Variants in TRMU observed in about 807,000 individuals in gnomAD.
The protein encoded by TRMU is tRNA mitochondrial 2-thiouridylase.
Under a neutral mutation model 46.9 loss-of-function variants are expected in TRMU, and 49 were observed. The ratio of observed to expected loss-of-function variants is 1.05; its 90% CI spans 0.83 to 1.33. The LOEUF (loss-of-function observed/expected upper bound fraction) is 1.33, where lower values mean the gene tolerates loss of function less well. Ranked by LOEUF, TRMU falls within the 40% of genes most tolerant of loss-of-function variation. The pLI, the probability that TRMU is intolerant of heterozygous loss-of-function variation, is 0.00. For missense variants in TRMU, 572 were observed against 532.4 expected, an observed-to-expected ratio of 1.07 and a Z score of -0.73; for synonymous variants, 241 against 200.9, an observed-to-expected ratio of 1.20 and a Z score of -1.69.
Position 46,352,276 on chromosome 22 carries a change from C to T in TRMU, c.718C>T (p.Arg240Ter), listed in dbSNP as rs367683258. 18 of 1,614,018 alleles carry T rather than the reference C, an allele frequency of 1.1e-5. No homozygotes were observed. Among genetic ancestry groups the T allele is most frequent in the South Asian group, 5.5e-5 (5 of 91,084 alleles). Residue 240 changes from arginine to a stop codon, truncating the protein, a stop_gained, in exon 7 of 11, where the codon CGA becomes TGA. Transcript: ENST00000645190. LOFTEE classifies it high-confidence loss of function. The part of the protein sequence containing the change: ...EHFLLQYLQP[R>*]PGHFISIEDN... Reference sequence around the variant, plus strand: ...GTTTGTTTTCCAGTATCTGCAGCCTCGACCTGGTCACTTTATTTCCATAGA... The same window carrying T: ...GTTTGTTTTCCAGTATCTGCAGCCTTGACCTGGTCACTTTATTTCCATAGA...
chr22:46,345,238 T>G (rs1569069823), intron 3 of TRMU, among the ~76,000 whole-genome samples: 1 of 152,140 alleles, frequency 6.6e-6, no homozygotes, highest in Non-Finnish European at 1.5e-5. Flanking sequence ...GTCTAGCTAA[T>G]TTTTGTACTT....
intron 9 of TRMU, 70 bp downstream of exon 9, chr22:46,355,658 GGGAT>G (rs1237563939): frequency 6.2e-7 from 1 of 1,610,206 alleles, no homozygotes; most frequent in Non-Finnish European, 8.5e-7. Context: ...ATTTGGGCCA[GGGAT>G]GGGAGACCCT....
chr22:46,345,036 C>T (rs2078215376), intron 3 of TRMU, among the ~76,000 whole-genome samples: 1 of 152,124 alleles, frequency 6.6e-6, no homozygotes, highest in Admixed American at 6.5e-5. Flanking sequence ...TTTTGCTGCA[C>T]CTTTCATAAA....
chr22:46,338,088 C>A lies in TRMU; in HGVS notation c.248+144C>A. ...TGGTGCTGAAGACTGCAAGAGGCCT[C>A]AGCCACCCTCGGGGCTCTGTGTTAG... On this transcript the variant is annotated intron_variant, in intron 2 of 10. Transcript: ENST00000645190. The surrounding 1 kb of genome is among the most constrained non-coding windows in gnomAD (Gnocchi z 4.5). 3 of 1,146,636 alleles carry A rather than the reference C, an allele frequency of 2.6e-6. No homozygotes were observed. Among genetic ancestry groups the A allele is most frequent in the Non-Finnish European group, 3.9e-6 (3 of 774,116 alleles). 71.0% of individuals were successfully genotyped at this position (1,146,636 alleles called of 1,614,324 possible). A position where few individuals can be genotyped will look rare whatever the true frequency, so the allele number is the denominator to read the frequency against.
chr22:46,337,300 G>C (rs535833664), intron 1 of TRMU, among the ~76,000 whole-genome samples: 58 of 152,242 alleles, frequency 3.8e-4, no homozygotes, highest in African/African-American at 1.2e-3. Context: ...TGTTACAATC[G>C]AAAAGGTAGA....
In TRMU at chr22:46,346,642, C is replaced by T. The variant is rs993826938; in HGVS notation, c.478+98C>T. 1.8e-5 allele frequency: 26 copies of T among 1,408,866 alleles called. No homozygotes were observed. In the African/African-American group the frequency reaches 3.4e-4, roughly 19 times the overall value. The allele number at this position is 1,408,866 out of a possible 1,614,324, so 87.3% of individuals were successfully genotyped here. A position where few individuals can be genotyped will look rare whatever the true frequency, so the allele number is the denominator to read the frequency against. The stretch of plus-strand genomic sequence containing the variant: ...TTGTGCCTGAGGATCACTGCCACCC[C>T]TCCCTCTGTGCTCCAGAGTAGCTTG... On this transcript the variant is annotated intron_variant, in intron 4 of 10. Coordinates refer to ENST00000645190, the MANE Select transcript of TRMU (RefSeq NM_018006.5).
At chr22:46,356,528 C>G in intron 10 of TRMU, 1 of 461,908 alleles carries the variant, frequency 2.2e-6, no homozygotes. Context: ...TGCCACCATG[C>G]TCCTTCCTGT....
chr22:46,357,113 G>A lies in TRMU; in HGVS notation c.*107G>A, dbSNP rs916399205. ...CAGCTTGCTGCTGCCCAAAGCAGAG[G>A]AAGCCGGGCTGGCTGAGGGTCCGAA... is the stretch of plus-strand genomic sequence containing the variant. On this transcript the variant is annotated 3_prime_UTR_variant, in exon 11 of 11. Transcript: ENST00000645190. The A allele has an allele frequency of 2.6e-6, 4 of 1,515,144 alleles. No individual in the cohort carries two copies. Among genetic ancestry groups the A allele is most frequent in the Admixed American group, 1.9e-5 (1 of 53,638 alleles). 93.9% of individuals were successfully genotyped at this position (1,515,144 alleles called of 1,614,324 possible).
In TRMU at chr22:46,357,214, T is replaced by C. The variant is rs974754088; in HGVS notation, c.*208T>C. ...GGGCTCTGGCTGCTGGAGCATCTGC[T>C]GGCTGGTGGGGTGGCCCGAGTTCCC... On this transcript the variant is annotated 3_prime_UTR_variant, in exon 11 of 11. Coordinates refer to ENST00000645190, the MANE Select transcript of TRMU (RefSeq NM_018006.5). 1 of 681,828 alleles carries C rather than the reference T, an allele frequency of 1.5e-6. No individual in the cohort carries two copies. The highest frequency in any genetic ancestry group is 2.5e-6 in the Non-Finnish European group (1 of 406,120). The allele number at this position is 681,828 out of a possible 1,614,324, so 42.2% of individuals were successfully genotyped here.
Position 46,339,064 on chromosome 22 carries a change from C to T in TRMU, c.248+1120C>T, listed in dbSNP as rs2078053608. Among the ~76,000 whole-genome samples, 1 of 151,234 alleles carries T rather than the reference C, an allele frequency of 6.6e-6. No individual in the cohort carries two copies. The highest frequency in any genetic ancestry group is 1.9e-4 in the East Asian group (1 of 5,196). Reference sequence around the variant, plus strand: ...CTTTAAAATGAGGATAACACTGATGCCTCACAGGGTTATGAAAGAATTGAG... The same window carrying T: ...CTTTAAAATGAGGATAACACTGATGTCTCACAGGGTTATGAAAGAATTGAG... On this transcript the variant is annotated intron_variant, in intron 2 of 10. Transcript: ENST00000645190. The surrounding 1 kb of genome is among the most constrained non-coding windows in gnomAD (Gnocchi z 4.8).
Position 46,351,979 on chromosome 22 carries a change from G to A in TRMU, c.652-142G>A. 1 of 880,330 alleles carries A rather than the reference G, an allele frequency of 1.1e-6. No individual in the cohort carries two copies. The highest frequency in any genetic ancestry group is 2.4e-5 in the East Asian group (1 of 41,566). 54.5% of individuals were successfully genotyped at this position (880,330 alleles called of 1,614,324 possible). On this transcript the variant is annotated intron_variant, in intron 5 of 10. Coordinates refer to ENST00000645190, the MANE Select transcript of TRMU (RefSeq NM_018006.5). The surrounding 1 kb of genome is among the most constrained non-coding windows in gnomAD (Gnocchi z 6.4). ...CCGGCTGTGACTGGCGGCCGAGGGT[G>A]CCGGTGGGCAGCCGGGCCCCTACCC...
At chr22:46,355,666 A>C in intron 9 of TRMU, 78 bp downstream of exon 9, 1 of 1,603,826 alleles carries the variant, frequency 6.2e-7, no homozygotes, top group South Asian at 1.1e-5. Context: ...CAGGGATGGG[A>C]GACCCTGGGG....
chr22:46,355,227 C>T, intron 8 of TRMU: 1 of 678,934 alleles, frequency 1.5e-6, no homozygotes, highest in Non-Finnish European at 2.5e-6. Flanking sequence ...CATGGTACTT[C>T]CTTCCTGGGC....
chr22:46,355,220 G>A (rs1201245286), intron 8 of TRMU: 1 of 657,696 alleles, frequency 1.5e-6, no homozygotes, highest in Admixed American at 2.5e-5. Context: ...ACTCTGACAT[G>A]GTACTTCCTT....
rs2077986957 is a variant in TRMU at position 46,336,655 on chromosome 22, A to G, written c.82+809A>G. 3.3e-5 allele frequency: 5 copies of G among 152,284 alleles called. No individual in the cohort carries two copies. Among genetic ancestry groups the G allele is most frequent in the Admixed American group, 2.0e-4 (3 of 15,278 alleles). The allele number at this position is 152,284 out of a possible 1,614,324, so 9.4% of individuals were successfully genotyped here. On this transcript the variant is annotated intron_variant, in intron 1 of 10. Transcript: ENST00000645190. This position sits in a 1 kb window ranked among gnomAD's most constrained non-coding sequence, Gnocchi z 4.1. ...AGTACATACTGATGAGTACGTGCTC[A>G]GCACATACGAGGTACGCAGAAAACA...
Position 46,350,545 on chromosome 22 carries a change from C to A in TRMU, c.651+82C>A, listed in dbSNP as rs977126400. 35 of 1,539,212 alleles carry A rather than the reference C, an allele frequency of 2.3e-5. No individual in the cohort carries two copies. The African/African-American group carries it at 4.4e-4, about 19-fold the overall frequency. ...CACGGAGCAGCTGGACCTGTGGGTC[C>A]CGCACCACTTCCCCTTCTCCAGGAC... On this transcript the variant is annotated intron_variant, in intron 5 of 10. Transcript: ENST00000645190. The surrounding 1 kb of genome is among the most constrained non-coding windows in gnomAD (Gnocchi z 4.6).
At chr22:46,344,829 A>G (rs2078210362) in intron 3 of TRMU, among the ~76,000 whole-genome samples, 1 of 152,210 alleles carries the variant, frequency 6.6e-6, no homozygotes, top group Non-Finnish European at 1.5e-5. Context: ...ACACAGATGT[A>G]AAGTGGATTG....
rs2078038638 is a variant in TRMU at position 46,338,508 on chromosome 22, A to G, written c.248+564A>G. On this transcript the variant is annotated intron_variant, in intron 2 of 10. Transcript: ENST00000645190. The surrounding 1 kb of genome is among the most constrained non-coding windows in gnomAD (Gnocchi z 4.5). The stretch of plus-strand genomic sequence containing the variant: ...TAGTTGGGAGGACATTATCTTCACA[A>G]GAGGTGACAGTGATGCGTGGCACGC... Among the ~76,000 whole-genome samples, 1 of 152,258 alleles carries G rather than the reference A, an allele frequency of 6.6e-6. No homozygotes were observed. The highest frequency in any genetic ancestry group is 1.5e-5 in the Non-Finnish European group (1 of 68,046).
chr22:46,355,898 AC>A, intron 9 of TRMU, 91 bp from the exon 10 acceptor site: 1 of 1,434,568 alleles, frequency 7.0e-7, no homozygotes, highest in Non-Finnish European at 9.6e-7. Context: ...GGGGTTTTTG[AC>A]CCCGTGGGCT....
Sources: allele counts gnomAD v4.1 joint callset (sites outside exome capture counted in the v4.1 genomes callset), GRCh38; gene constraint gnomAD v4.1.1; non-coding constraint Gnocchi (gnomAD v3.1); transcripts MANE v1.5; gene names NCBI Gene and HGNC (gene_info 2026-07-23, HGNC 2026-07-21).